Variants in RTN4 observed in about 807,000 individuals in gnomAD.
RTN4 encodes the protein reticulon-4.
RTN4 carries 32 observed loss-of-function variants against 90.4 expected under a neutral mutation model. The observed-to-expected ratio is 0.35, with a 90% CI of 0.27 to 0.48. RTN4 has a LOEUF of 0.48. Ranked by LOEUF, RTN4 falls within the 20% of genes least tolerant of loss-of-function variation. The pLI is 0.99. For missense variants in RTN4, 1,706 were observed against 1,430.2 expected (o/e 1.19, Z -3.11); for synonymous variants, 629 against 552.5 (o/e 1.14, Z -1.94).
chr2:55,136,529 T>G, the RTN4 span, among the ~76,000 whole-genome samples: 1 of 152,250 alleles, frequency 6.6e-6, no homozygotes, highest in East Asian at 1.9e-4. Flanking sequence ...CTTTCACTCT[T>G]GCTCTGAAGA....
chr2:55,026,658 G>T lies in RTN4; in HGVS notation c.1441C>A (p.Pro481Thr). ...ATESIATNIFPLLGDPTSENK... is the reference protein window; with the variant it reads ...ATESIATNIFTLLGDPTSENK... ...TCTGAAGTAGGATCTCCTAACAAAG[G>T]AAAAATGTTTGTTGCAATGCTCTCA... Residue 481 changes from proline (P) to threonine (T), a missense_variant, in exon 3 of 9, where the codon CCT becomes ACT. Physicochemically the swap from Pro to Thr is conservative, Grantham distance 38 (BLOSUM62 -1). Coordinates refer to ENST00000337526, the MANE Select transcript of RTN4 (RefSeq NM_020532.5). The T allele has an allele frequency of 3.7e-6, 6 of 1,613,182 alleles. No individual in the cohort carries two copies. Among genetic ancestry groups the T allele is most frequent in the Non-Finnish European group, 3.4e-6 (4 of 1,179,770 alleles).
chr2:55,111,383 A>G (rs1445879725), intron 1 of RTN4, among the ~76,000 whole-genome samples: 1 of 152,246 alleles, frequency 6.6e-6, no homozygotes, highest in African/African-American at 2.4e-5. Context: ...CGAAATATCC[A>G]TAGCAACTGT....
intron 4 of RTN4, among the ~76,000 whole-genome samples, chr2:54,986,978 T>C (rs1195863189): frequency 6.6e-6 from 1 of 151,872 alleles, no homozygotes; most frequent in Non-Finnish European, 1.5e-5. Flanking sequence ...GGGTAGAAGA[T>C]GATAGTTGAG....
At chr2:55,000,210 G>C (rs7340476) in intron 3 of RTN4, among the ~76,000 whole-genome samples, 101,565 of 152,032 alleles carry the variant, frequency 0.67, 34,989 homozygotes, top group African/African-American at 0.85. Context: ...GAAAGTATAT[G>C]TAAAGAGGTT....
intron 3 of RTN4, among the ~76,000 whole-genome samples, chr2:55,019,648 A>C (rs1681288144): frequency 6.6e-6 from 1 of 152,212 alleles, no homozygotes; most frequent in African/African-American, 2.4e-5. Flanking sequence ...AGTCGGGGGA[A>C]GAGAGGCCCT....
chr2:55,034,547 G>C (rs940854265), intron 1 of RTN4, among the ~76,000 whole-genome samples: 2 of 152,058 alleles, frequency 1.3e-5, no homozygotes, highest in Admixed American at 6.5e-5. Context: ...ATTAATAAAG[G>C]TATCTTCAGA....
At chr2:55,002,238 T>C (rs1274389627) in intron 3 of RTN4, among the ~76,000 whole-genome samples, 4 of 151,754 alleles carry the variant, frequency 2.6e-5, no homozygotes, top group African/African-American at 7.3e-5. Flanking sequence ...TTTTAAAATT[T>C]TGTAGAGGCA....
At chr2:55,096,154 C>T (rs140227106) in intron 1 of RTN4, among the ~76,000 whole-genome samples, 3 of 152,076 alleles carry the variant, frequency 2.0e-5, no homozygotes, top group Admixed American at 2.0e-4. Flanking sequence ...TGGAGAAACC[C>T]CGTCTCTACT....
chr2:55,005,947 T>C (rs1032157616), intron 3 of RTN4, among the ~76,000 whole-genome samples: 6 of 152,198 alleles, frequency 3.9e-5, no homozygotes, highest in African/African-American at 1.4e-4. Context: ...TTGGAGCATT[T>C]TGGCTTTTAG....
chr2:55,007,732 C>T (rs1371317785), intron 3 of RTN4, among the ~76,000 whole-genome samples: 1 of 152,096 alleles, frequency 6.6e-6, no homozygotes, highest in Non-Finnish European at 1.5e-5. Flanking sequence ...TTAAGAAGCA[C>T]TAGATGATTC....
At chr2:55,008,749 T>C (rs1401245865) in intron 3 of RTN4, among the ~76,000 whole-genome samples, 1 of 151,130 alleles carries the variant, frequency 6.6e-6, no homozygotes, top group South Asian at 2.1e-4. Context: ...GATTTAAGAC[T>C]TAAGTTATTA....
intron 3 of RTN4, among the ~76,000 whole-genome samples, chr2:55,003,475 TAC>T (rs1000909224): frequency 6.6e-6 from 1 of 152,054 alleles, no homozygotes; most frequent in Non-Finnish European, 1.5e-5. Context: ...TTAAAAAAAA[TAC>T]ACACACACTC....
chr2:55,016,108 C>T (rs1681016131), intron 3 of RTN4, among the ~76,000 whole-genome samples: 1 of 151,980 alleles, frequency 6.6e-6, no homozygotes, highest in South Asian at 2.1e-4. Context: ...CCAACAATAG[C>T]AAAGTGACTG....
At chr2:55,081,930 T>A (rs1668728702) in intron 1 of RTN4, among the ~76,000 whole-genome samples, 1 of 151,898 alleles carries the variant, frequency 6.6e-6, no homozygotes, top group South Asian at 2.1e-4. Context: ...TCAAGATTGC[T>A]AATTCATTTT....
At chr2:55,115,791 T>C (rs961199424), upstream of RTN4, among the ~76,000 whole-genome samples, 1 of 152,228 alleles carries the variant, frequency 6.6e-6, no homozygotes, top group African/African-American at 2.4e-5. Context: ...CTTGTATATC[T>C]GGCTCAAAGT....
intron 1 of RTN4, among the ~76,000 whole-genome samples, chr2:55,111,271 G>T (rs931395862): frequency 6.6e-6 from 1 of 151,572 alleles, no homozygotes; most frequent in Non-Finnish European, 1.5e-5. Context: ...TCACTCTTCC[G>T]AGATTTTAAA....
intron 3 of RTN4, among the ~76,000 whole-genome samples, chr2:55,016,571 G>A (rs896665085): frequency 5.3e-5 from 8 of 152,164 alleles, no homozygotes; most frequent in Admixed American, 2.6e-4. Context: ...GTGACAGAGC[G>A]AGACTATGTC....
Position 55,026,726 on chromosome 2 carries a change from G to A in RTN4, c.1373C>T (p.Ser458Leu). The stretch of plus-strand genomic sequence containing the variant: ...GGGAGCACATGTGATATATGCTCCT[G>A]AACGATCCTTTATACCTTCTGGCGT... ...PSTPEGIKDR[S>L]GAYITCAPFN... The change falls in exon 3 of 9, where the codon TCA (serine) becomes TTA (leucine). Residue 458 changes from serine to leucine, a missense_variant. Transcript: ENST00000337526. The A allele has an allele frequency of 6.2e-7, 1 of 1,613,782 alleles. No homozygotes were observed. Among genetic ancestry groups the A allele is most frequent in the Non-Finnish European group, 8.5e-7 (1 of 1,179,824 alleles).
At chr2:55,110,389 A>T (rs755872155) in intron 1 of RTN4, among the ~76,000 whole-genome samples, 10 of 152,048 alleles carry the variant, frequency 6.6e-5, no homozygotes, top group Non-Finnish European at 1.5e-4. Context: ...GCAGAGGCAT[A>T]GCCCAAATGG....
Sources: allele counts gnomAD v4.1 joint callset (sites outside exome capture counted in the v4.1 genomes callset), GRCh38; gene constraint gnomAD v4.1.1; transcripts MANE v1.5; gene names NCBI Gene and HGNC (gene_info 2026-07-23, HGNC 2026-07-21).